The following ERC2 variants were observed in gnomAD, a reference collection of about 807,000 sequenced individuals.
The protein encoded by ERC2 is ERC protein 2.
A neutral mutation model predicts 114.8 loss-of-function variants in ERC2; 42 were observed. The observed-to-expected ratio is 0.37, with a 90% CI of 0.29 to 0.47. The LOEUF (loss-of-function observed/expected upper bound fraction) is 0.47. ERC2 is among the 20% of genes least tolerant of loss of function. ERC2 has a pLI of 0.99. For synonymous variants in ERC2, 454 were observed against 425.5 expected, an observed-to-expected ratio of 1.07 and a Z score of -0.82; for missense variants, 939 against 1,150.7, an observed-to-expected ratio of 0.82 and a Z score of 2.66.
At position 56,019,020 on chromosome 3, in the gene ERC2, C is replaced by A; in HGVS notation, c.1653G>T (p.Leu551Phe). 1 of 1,609,046 alleles carries A rather than the reference C, an allele frequency of 6.2e-7. No individual in the cohort carries two copies. The highest frequency in any genetic ancestry group is 8.5e-7 in the Non-Finnish European group (1 of 1,177,706). The change falls in exon 8 of 18, where the codon TTG becomes TTT. Residue 551 changes from leucine to phenylalanine, a missense_variant. Around this residue, in one of 5 missense-constraint regions of ERC2, gnomAD observed 149 missense variants for 254.6 expected, o/e 0.59. Transcript: ENST00000288221. ...INVLQKKIEN[L>F]QEQLRDKDKQ... Reference sequence around the variant, plus strand: ...TGTCTTTATCCCTAAGTTGTTCTTGCAAGTTTTCAATCTAAAAATAAAAAT... The same window carrying A: ...TGTCTTTATCCCTAAGTTGTTCTTGAAAGTTTTCAATCTAAAAATAAAAAT...
chr3:56,428,549 AAGGAAGGG>A (rs1299058289), intron 2 of ERC2, among the ~76,000 whole-genome samples: 1 of 23,958 alleles, frequency 4.2e-5, no homozygotes, highest in African/African-American at 1.6e-4. Context: ...GAAAGGAAGG[AAGGAAGGG>A]AGGGAGGGAG....
rs1175220063 is a variant in ERC2 at position 55,613,404 on chromosome 3, G to T, written c.*39+70390C>A. On this transcript the variant is annotated intron_variant, in intron 17 of 17. Transcript: ENST00000288221. The stretch of plus-strand genomic sequence containing the variant: ...GAAATCATTCTTAACCTTTTTGGGG[G>T]GCGGTGTCACAAACTCCTTTGGGAG... 1.3e-5 allele frequency among the ~76,000 whole-genome samples: 2 copies of T among 152,190 alleles called. 1 individual carries two copies. Among genetic ancestry groups the T allele is most frequent in the Non-Finnish European group, 2.9e-5 (2 of 68,034 alleles).
At chr3:56,330,790 G>A (rs2150454790) in intron 2 of ERC2, among the ~76,000 whole-genome samples, 1 of 152,142 alleles carries the variant, frequency 6.6e-6, no homozygotes, top group East Asian at 1.9e-4. Context: ...AGGCATCTTG[G>A]ATAAGGGATA....
At chr3:56,044,506 A>C (rs2149669762) in intron 7 of ERC2, among the ~76,000 whole-genome samples, 1 of 152,316 alleles carries the variant, frequency 6.6e-6, no homozygotes, top group African/African-American at 2.4e-5. Flanking sequence ...TCAAAAATGA[A>C]ATAATAGAAT....
At chr3:55,631,435 A>G (rs2059754688) in intron 17 of ERC2, among the ~76,000 whole-genome samples, 1 of 152,292 alleles carries the variant, frequency 6.6e-6, no homozygotes, top group South Asian at 2.1e-4. Context: ...GAGGTTGTGG[A>G]CCTTCCAGGA....
chr3:55,562,555 G>A (rs1261339655), intron 17 of ERC2, among the ~76,000 whole-genome samples: 1 of 152,170 alleles, frequency 6.6e-6, no homozygotes, highest in African/African-American at 2.4e-5. Flanking sequence ...AATTGAGTCT[G>A]GGATGCCATA....
At chr3:56,107,125 A>G (rs1195908947) in intron 6 of ERC2, among the ~76,000 whole-genome samples, 6 of 152,186 alleles carry the variant, frequency 3.9e-5, no homozygotes, top group South Asian at 2.1e-4. Context: ...ATAGCCCCCA[A>G]AAAGGAACAA....
intron 17 of ERC2, among the ~76,000 whole-genome samples, chr3:55,519,692 G>A (rs544469779): frequency 6.6e-6 from 1 of 152,086 alleles, no homozygotes; most frequent in Non-Finnish European, 1.5e-5. Context: ...GAAGCAGATG[G>A]ATCCAGGATC....
chr3:56,167,510 C>T (rs1405788641), intron 4 of ERC2, among the ~76,000 whole-genome samples: 1 of 152,072 alleles, frequency 6.6e-6, no homozygotes, highest in African/African-American at 2.4e-5. Flanking sequence ...AAGTGACAAC[C>T]ATATATCATC....
intron 14 of ERC2, among the ~76,000 whole-genome samples, chr3:55,884,551 G>C (rs1419110816): frequency 6.6e-6 from 1 of 151,784 alleles, no homozygotes; most frequent in African/African-American, 2.4e-5. Flanking sequence ...TATAGCTCTG[G>C]AACAAAAACC....
chr3:55,699,958 T>G (rs949182054), intron 15 of ERC2, among the ~76,000 whole-genome samples: 6 of 152,092 alleles, frequency 3.9e-5, no homozygotes, highest in Non-Finnish European at 8.8e-5. Flanking sequence ...TAAACAATGG[T>G]CTCACAAGAC....
Position 55,691,444 on chromosome 3 carries a change from G to A in ERC2, c.2848-7585C>T, listed in dbSNP as rs1443670943. The stretch of plus-strand genomic sequence containing the variant: ...GCAATACACATCAGCACCAATAAGA[G>A]GTTTCTTCATGGGTTGTTGAATCTG... On this transcript the variant is annotated intron_variant, in intron 16 of 17. Transcript: ENST00000288221. 4.7e-5 allele frequency among the ~76,000 whole-genome samples: 7 copies of A among 149,032 alleles called. No individual in the cohort carries two copies. The East Asian group carries it at 1.4e-3, about 30-fold the overall frequency.
At chr3:55,671,443 T>G (rs898950426) in intron 17 of ERC2, among the ~76,000 whole-genome samples, 1 of 152,218 alleles carries the variant, frequency 6.6e-6, no homozygotes, top group East Asian at 1.9e-4. Flanking sequence ...AGTTTTCTAG[T>G]AAGCCCTAAC....
Position 56,195,616 on chromosome 3 carries a change from G to C in ERC2, c.1075-22096C>G, listed in dbSNP as rs373498279. Among the ~76,000 whole-genome samples, 164 of 151,982 alleles carry C rather than the reference G, an allele frequency of 1.1e-3. 2 individuals are homozygous for C. The South Asian group carries it at 0.033, about 30-fold the overall frequency. On this transcript the variant is annotated intron_variant, in intron 3 of 17. Transcript: ENST00000288221. ...GAGTAGAGGTGGGAGGATTGCTGGAGTCCAGGAGTTCAAGACCAGCCTGGG... is the reference window on the plus strand; with the variant it reads ...GAGTAGAGGTGGGAGGATTGCTGGACTCCAGGAGTTCAAGACCAGCCTGGG...
intron 17 of ERC2, among the ~76,000 whole-genome samples, chr3:55,617,474 G>A (rs1329943999): frequency 1.3e-5 from 2 of 152,120 alleles, no homozygotes; most frequent in African/African-American, 4.8e-5. Flanking sequence ...ACCAAGTTGG[G>A]CTGAGGTCTC....
intron 4 of ERC2, among the ~76,000 whole-genome samples, chr3:56,155,924 T>C (rs546733384): frequency 1.3e-5 from 2 of 151,552 alleles, no homozygotes; most frequent in African/African-American, 2.4e-5. Flanking sequence ...TGCTGAGGAG[T>C]TGGAAATGAA....
chr3:56,167,452 GA>G, intron 4 of ERC2, among the ~76,000 whole-genome samples: 3 of 152,182 alleles, frequency 2.0e-5, no homozygotes, highest in Middle Eastern at 6.8e-3. Context: ...AGTTTGGGGG[GA>G]AAGGGAAATA....
chr3:55,953,842 A>G (rs553538476), intron 12 of ERC2, among the ~76,000 whole-genome samples: 39 of 152,250 alleles, frequency 2.6e-4, no homozygotes, highest in Admixed American at 7.2e-4. Context: ...AATAAAATCT[A>G]TAAGTGACCT....
intron 14 of ERC2, among the ~76,000 whole-genome samples, chr3:55,777,474 G>A (rs1002211267): frequency 6.6e-6 from 1 of 152,224 alleles, no homozygotes; most frequent in African/African-American, 2.4e-5. Context: ...CACCCCTGTG[G>A]GCTGGCGGAA....
Sources: allele counts gnomAD v4.1 joint callset (sites outside exome capture counted in the v4.1 genomes callset), GRCh38; gene constraint gnomAD v4.1.1; regional missense constraint gnomAD v4.1.1; transcripts MANE v1.5; gene names NCBI Gene and HGNC (gene_info 2026-07-23, HGNC 2026-07-21).